PCDH15: variants seen among roughly 807,000 people sequenced by gnomAD.
PCDH15 encodes the protein protocadherin related 15.
A neutral mutation model predicts 178.5 loss-of-function variants in PCDH15; 129 were observed. The ratio of observed to expected loss-of-function variants is 0.72; its 90% confidence interval spans 0.63 to 0.84. The LOEUF (loss-of-function observed/expected upper bound fraction) is 0.84. Ranked by LOEUF, PCDH15 falls within the 40% of genes least tolerant of loss-of-function variation. The pLI, the probability that PCDH15 is intolerant of heterozygous loss-of-function variation, is 0.00. For missense variants in PCDH15, 2,230 were observed against 2,099.9 expected, an observed-to-expected ratio of 1.06 and a Z score of -1.21; for synonymous variants, 800 against 732.0, an observed-to-expected ratio of 1.09 and a Z score of -1.50.
At chr10:55,370,725 A>G (rs890863376) in intron 2 of PCDH15, among the ~76,000 whole-genome samples, 1 of 152,158 alleles carries the variant, frequency 6.6e-6, no homozygotes, top group Non-Finnish European at 1.5e-5. Context: ...TGTACCTTTA[A>G]GCCACAGTTG....
At chr10:55,084,332 T>C (rs894865679) in intron 2 of PCDH15, among the ~76,000 whole-genome samples, 1 of 151,382 alleles carries the variant, frequency 6.6e-6, no homozygotes, top group Non-Finnish European at 1.5e-5. Flanking sequence ...GAGAGAACAG[T>C]CTCTTCAAAA....
chr10:54,376,252 A>G (rs1397496264), intron 4 of PCDH15, among the ~76,000 whole-genome samples: 3 of 151,936 alleles, frequency 2.0e-5, no homozygotes, highest in Non-Finnish European at 2.9e-5. Flanking sequence ...AACTTTGGGC[A>G]ACAATCAAAA....
Position 54,442,417 on chromosome 10 carries a change from TATATATATATATATATATATATATA to T in PCDH15, c.158-63500_158-63476del, listed in dbSNP as rs2075860450. Among the ~76,000 whole-genome samples the T allele has an allele frequency of 1.5e-4, 9 of 60,730 alleles. 2 individuals are homozygous for T. Among genetic ancestry groups the T allele is most frequent in the Non-Finnish European group, 1.9e-4 (6 of 31,596 alleles). The allele number at this position is 60,730 out of a possible 152,430, so 39.8% of individuals were successfully genotyped here. A position where few individuals can be genotyped will look rare whatever the true frequency, so the allele number is the denominator to read the frequency against. On this transcript the variant is annotated intron_variant, in intron 3 of 37. Coordinates refer to ENST00000644397, the MANE Select transcript of PCDH15 (RefSeq NM_001384140.1). ...AAAAAAAAAAAGGCCTTAAAGGCTA[TATATATATATATATATATATATATA>T]TATATATATATATATATACAGTCTT...
intron 27 of PCDH15, among the ~76,000 whole-genome samples, chr10:53,863,309 A>G (rs919768862): frequency 2.0e-5 from 3 of 152,198 alleles, no homozygotes; most frequent in African/African-American, 4.8e-5. Context: ...AAGAAAATGA[A>G]CCAGTGAAGG....
intron 2 of PCDH15, among the ~76,000 whole-genome samples, chr10:55,495,564 T>C (rs540691646): frequency 6.6e-6 from 1 of 152,000 alleles, no homozygotes; most frequent in Admixed American, 6.6e-5. Context: ...TCATATCCAC[T>C]AGCATGGTTG....
intron 15 of PCDH15, among the ~76,000 whole-genome samples, chr10:54,099,840 C>T (rs1039299615): frequency 2.6e-5 from 4 of 152,070 alleles, no homozygotes; most frequent in African/African-American, 9.7e-5. Context: ...TGCTGGTTAA[C>T]TGTGCATTTG....
chr10:54,639,786 T>G (rs1237680792), intron 2 of PCDH15, among the ~76,000 whole-genome samples: 1 of 152,188 alleles, frequency 6.6e-6, no homozygotes, highest in Non-Finnish European at 1.5e-5. Context: ...GGTTTTCAAA[T>G]AGATTCGTGT....
At chr10:54,725,133 T>C (rs1942291188) in intron 1 of PCDH15, among the ~76,000 whole-genome samples, 1 of 151,528 alleles carries the variant, frequency 6.6e-6, no homozygotes, top group African/African-American at 2.4e-5. Context: ...TCCAACACTG[T>C]GGGTTCATGA....
intron 1 of PCDH15, among the ~76,000 whole-genome samples, chr10:55,246,650 A>T (rs895320617): frequency 6.6e-6 from 1 of 152,198 alleles, no homozygotes; most frequent in African/African-American, 2.4e-5. Context: ...TACGCAAGCC[A>T]CTGTATGTAC....
chr10:53,807,157 G>A (rs1285209645), intron 37 of PCDH15, 27 bp from the exon 38 acceptor site: 2 of 1,522,708 alleles, frequency 1.3e-6, no homozygotes, highest in Non-Finnish European at 1.8e-6. Context: ...AAATATGTGA[G>A]TCACTATCAA....
chr10:55,528,787 T>C (rs1034730807), intron 2 of PCDH15, among the ~76,000 whole-genome samples: 31 of 152,098 alleles, frequency 2.0e-4, no homozygotes, highest in Admixed American at 1.6e-3. Flanking sequence ...TTCTAGATCC[T>C]TGAGGAATCG....
chr10:54,715,593 A>T (rs1157026285), intron 1 of PCDH15, among the ~76,000 whole-genome samples: 1 of 152,118 alleles, frequency 6.6e-6, no homozygotes, highest in Non-Finnish European at 1.5e-5. Flanking sequence ...GGTGCAGTGG[A>T]ACATTTTCTT....
intron 2 of PCDH15, among the ~76,000 whole-genome samples, chr10:55,328,929 T>C (rs1323078180): frequency 7.6e-6 from 1 of 131,934 alleles, no homozygotes; most frequent in Non-Finnish European, 1.6e-5. Flanking sequence ...TATATATATA[T>C]ATATATATAT....
intron 3 of PCDH15, among the ~76,000 whole-genome samples, chr10:54,873,436 T>C (rs1047938155): frequency 6.6e-6 from 1 of 150,862 alleles, no homozygotes; most frequent in Non-Finnish European, 1.5e-5. Flanking sequence ...CTTGAGCTGA[T>C]AGTTTTGTGA....
intron 3 of PCDH15, among the ~76,000 whole-genome samples, chr10:54,876,200 GT>G (rs1954140219): frequency 1.3e-5 from 2 of 151,996 alleles, no homozygotes; most frequent in East Asian, 3.9e-4. Context: ...CCACAGCATG[GT>G]TTACTGAATA....
At chr10:55,410,315 A>G (rs1838300576) in intron 2 of PCDH15, among the ~76,000 whole-genome samples, 1 of 151,850 alleles carries the variant, frequency 6.6e-6, no homozygotes, top group South Asian at 2.1e-4. Flanking sequence ...TTCACTTTTA[A>G]GTGAAATAAC....
In PCDH15 at chr10:55,338,130, T is replaced by C. The variant is rs149093206; in HGVS notation, c.-155-171479A>G. 5.2e-3 allele frequency among the ~76,000 whole-genome samples: 789 copies of C among 152,150 alleles called. 11 individuals are homozygous for C. The highest frequency in any genetic ancestry group is 0.018 in the African/African-American group (744 of 41,536). On this transcript the variant is annotated intron_variant, in intron 2 of 5. Coordinates refer to the PCDH15 transcript ENST00000613346. Reference sequence around the variant, plus strand: ...TATCATCTCACCCCAGTTAAAATGGTTTTATCCCAACAAGAGGCAATAACT... The same window carrying C: ...TATCATCTCACCCCAGTTAAAATGGCTTTATCCCAACAAGAGGCAATAACT...
intron 3 of PCDH15, among the ~76,000 whole-genome samples, chr10:54,418,386 A>G (rs1243231229): frequency 6.6e-6 from 1 of 152,054 alleles, no homozygotes; most frequent in Non-Finnish European, 1.5e-5. Flanking sequence ...ATTTAAATAT[A>G]ACAAAGATTT....
chr10:54,414,411 T>C (rs752110935), intron 3 of PCDH15, among the ~76,000 whole-genome samples: 4 of 152,028 alleles, frequency 2.6e-5, no homozygotes, highest in Non-Finnish European at 5.9e-5. Context: ...GGTAACTCTA[T>C]AAAAAGAAAG....
Sources: gnomAD v4.1 joint callset for allele counts (sites outside exome capture counted in the v4.1 genomes callset) on GRCh38, gnomAD v4.1.1 for gene constraint, MANE v1.5 for transcripts, NCBI Gene and HGNC (gene_info 2026-07-23, HGNC 2026-07-21) for gene names.